SLC75A1: variants seen among roughly 807,000 people sequenced by gnomAD.
SLC75A1 encodes solute carrier family 75 member 1.
At chr4:2,932,004 G>A in the SLC75A1 span, 75 of 1,605,758 alleles carry the variant, frequency 4.7e-5, no homozygotes, top group Non-Finnish European at 6.1e-5. Context: ...GGGAAGCCCA[G>A]GGGAGAGCAG....
the SLC75A1 span, chr4:2,933,174 G>T: frequency 6.2e-7 from 1 of 1,613,708 alleles, no homozygotes. Flanking sequence ...GGCGCACACA[G>T]AAACTGCAGG....
the SLC75A1 span, chr4:2,933,567 C>A: frequency 6.2e-7 from 1 of 1,613,862 alleles, no homozygotes; most frequent in Non-Finnish European, 8.5e-7. Flanking sequence ...CCAGCCATAC[C>A]TCCGAACAGG....
At chr4:2,932,643 A>ATGGCCG in the SLC75A1 span, 1 of 1,613,008 alleles carries the variant, frequency 6.2e-7, no homozygotes, top group Non-Finnish European at 8.5e-7. Context: ...GTCAGCAACG[A>ATGGCCG]TGGCCGTGGA....
chr4:2,932,505 A>G, the SLC75A1 span: 3 of 1,613,584 alleles, frequency 1.9e-6, no homozygotes, highest in Middle Eastern at 1.7e-4. Flanking sequence ...GGCCACCCCA[A>G]TGACCGCCTA....
At chr4:2,933,491 G>C in the SLC75A1 span, 1 of 1,485,138 alleles carries the variant, frequency 6.7e-7, no homozygotes. Flanking sequence ...GAGAATTGGG[G>C]AGGGGCCTGG....
the SLC75A1 span, chr4:2,931,453 G>C: frequency 1.3e-6 from 2 of 1,568,274 alleles, no homozygotes; most frequent in African/African-American, 2.7e-5. Flanking sequence ...GCGGGCACCA[G>C]CAGCAGGAGG....
the SLC75A1 span, chr4:2,931,269 C>T: frequency 1.2e-5 from 19 of 1,556,884 alleles, no homozygotes; most frequent in Admixed American, 1.2e-4. Flanking sequence ...ACCACAACGG[C>T]GGCGGCTGGT....
At chr4:2,931,667 G>C in the SLC75A1 span, 3 of 1,611,828 alleles carry the variant, frequency 1.9e-6, no homozygotes, top group South Asian at 3.3e-5. Flanking sequence ...CTGTAGGCTG[G>C]GAGCGGGTGT....
At chr4:2,932,856 G>A in the SLC75A1 span, 56 of 1,429,824 alleles carry the variant, frequency 3.9e-5, no homozygotes, top group Non-Finnish European at 4.4e-5. Context: ...CCTCAACCCT[G>A]CCCTATTTCG....
At chr4:2,931,726 G>A in the SLC75A1 span, 24 of 1,555,696 alleles carry the variant, frequency 1.5e-5, no homozygotes, top group Middle Eastern at 3.3e-4. Context: ...GGGCCAGGGC[G>A]AGAGTGGCTG....
chr4:2,934,041 G>C, the SLC75A1 span: 2 of 1,136,594 alleles, frequency 1.8e-6, no homozygotes, highest in East Asian at 2.6e-5. Flanking sequence ...CCCTAAAGGG[G>C]CTGATGGCAG....
chr4:2,933,480 C>G, the SLC75A1 span: 102 of 1,430,986 alleles, frequency 7.1e-5, no homozygotes, highest in Admixed American at 1.7e-5. Flanking sequence ...AGGCAAGGAC[C>G]GAGAATTGGG....
At chr4:2,934,190 G>C in the SLC75A1 span, 4 of 524,024 alleles carry the variant, frequency 7.6e-6, no homozygotes, top group Non-Finnish European at 1.4e-5. Flanking sequence ...ACCAGGGTGA[G>C]CACATCGCGG....
chr4:2,931,133 C>A, the SLC75A1 span: 1 of 1,571,932 alleles, frequency 6.4e-7, no homozygotes, highest in Admixed American at 1.9e-5. Flanking sequence ...ATGACCGTGC[C>A]CTTCTGCCCT....
At chr4:2,933,420 G>A in the SLC75A1 span, 6 of 969,298 alleles carry the variant, frequency 6.2e-6, no homozygotes, top group African/African-American at 1.6e-5. Flanking sequence ...ATGCCCAGAA[G>A]CCAGGACATG....
At chr4:2,930,764 G>A in the SLC75A1 span, 1 of 1,503,538 alleles carries the variant, frequency 6.7e-7, no homozygotes, top group Non-Finnish European at 9.0e-7. Context: ...GGGGGTGGGG[G>A]TCAGGCAGTG....
chr4:2,931,671 C>T, the SLC75A1 span: 711 of 1,609,762 alleles, frequency 4.4e-4, 3 homozygotes, highest in African/African-American at 7.7e-3. Context: ...AGGCTGGGAG[C>T]GGGTGTGTTA....
the SLC75A1 span, chr4:2,931,120 C>T: frequency 6.3e-7 from 1 of 1,582,472 alleles, no homozygotes; most frequent in South Asian, 1.1e-5. Flanking sequence ...GCGCAGTGTA[C>T]CCATGACCGT....
At chr4:2,933,815 G>C in the SLC75A1 span, 1 of 1,590,886 alleles carries the variant, frequency 6.3e-7, no homozygotes, top group African/African-American at 1.3e-5. Flanking sequence ...GTGAAGGCCA[G>C]GAGGTCCAGC....
Sources: allele counts gnomAD v4.1 joint callset, GRCh38; gene constraint gnomAD v4.1.1; transcripts MANE v1.5; gene names NCBI Gene and HGNC (gene_info 2026-07-23, HGNC 2026-07-21).